The following RNF2 variants were observed in gnomAD, a reference collection of about 807,000 sequenced individuals.
The protein encoded by RNF2 is E3 ubiquitin-protein ligase RING2.
In RNF2, 6 loss-of-function variants were observed where a neutral mutation model predicts 37.2. The observed-to-expected ratio is 0.16, with a 90% CI of 0.09 to 0.32. RNF2 has a LOEUF of 0.32. Among genes scored for constraint, RNF2 ranks in the 10% least tolerant of loss-of-function variants. The pLI, the probability that RNF2 is intolerant of heterozygous loss-of-function variation, is 1.00. For synonymous variants in RNF2, 133 were observed against 132.7 expected, an observed-to-expected ratio of 1.00 and a Z score of -0.02; for missense variants, 251 against 404.0, an observed-to-expected ratio of 0.62 and a Z score of 3.25.
intron 1 of RNF2, among the ~76,000 whole-genome samples, chr1:185,060,416 T>G (rs1650563740): frequency 1.3e-5 from 2 of 152,254 alleles, no homozygotes; most frequent in Non-Finnish European, 2.9e-5. Flanking sequence ...TAGAGGTTCC[T>G]ATTATCTGAG....
rs201402005 is a variant in RNF2, at chr1:185,099,953, C to T, written c.900C>T (p.Gly300=). ...QYTIYIATAS[G]QFTVLNGSFS... is the part of the protein sequence containing the mutation. ...CCATTTATATAGCAACAGCCAGTGG[C>T]CAGTTCACTGTGAGTATTTAAAATA... Residue 300 remains glycine, a synonymous_variant, in exon 6 of 7, where the codon GGC becomes GGT. Coordinates refer to ENST00000367510, the MANE Select transcript of RNF2 (RefSeq NM_007212.4). The T allele has an allele frequency of 1.9e-6, 3 of 1,607,820 alleles. No individual in the cohort carries two copies. The highest frequency in any genetic ancestry group is 4.5e-5 in the East Asian group (2 of 44,676).
chr1:185,085,622 T>G (rs1651571128), intron 1 of RNF2, among the ~76,000 whole-genome samples: 1 of 152,120 alleles, frequency 6.6e-6, no homozygotes. Context: ...CTTGAGTTTT[T>G]GTGAACGATT....
chr1:185,055,179 GA>G (rs1170287233), intron 1 of RNF2, among the ~76,000 whole-genome samples: 1 of 152,166 alleles, frequency 6.6e-6, no homozygotes, highest in African/African-American at 2.4e-5. Flanking sequence ...CTTAGGACCA[GA>G]AGTATTTTGG....
At chr1:185,083,638 G>A (rs1651494365) in intron 1 of RNF2, among the ~76,000 whole-genome samples, 1 of 151,834 alleles carries the variant, frequency 6.6e-6, no homozygotes, top group Admixed American at 6.6e-5. Context: ...CTATTATTAG[G>A]TGTATTTTTG....
Position 185,092,995 on chromosome 1 carries a change from G to A in RNF2, c.249-66G>A. 5.9e-6 allele frequency: 8 copies of A among 1,359,626 alleles called. No homozygotes were observed. The South Asian group carries it at 5.9e-5, about 10-fold the overall frequency. 84.2% of individuals were successfully genotyped at this position (1,359,626 alleles called of 1,614,324 possible). On this transcript the variant is annotated intron_variant, in intron 3 of 6. Transcript: ENST00000367510. ...AGGTGAATAACTATCCAGAAGCTGG[G>A]TATTTTTGTCTTTAGCCCAAAGATA...
At chr1:185,054,205 C>T (rs188691071) in intron 1 of RNF2, among the ~76,000 whole-genome samples, 5 of 152,324 alleles carry the variant, frequency 3.3e-5, no homozygotes, top group East Asian at 1.9e-4. Flanking sequence ...GGGCACGCAA[C>T]GGGTTTCAAT....
chr1:185,067,108 T>TA (rs1650818772), intron 1 of RNF2, among the ~76,000 whole-genome samples: 2 of 152,206 alleles, frequency 1.3e-5, no homozygotes, highest in Non-Finnish European at 2.9e-5. Flanking sequence ...GTGGAAAAGA[T>TA]ACAATCAAAT....
At chr1:185,062,194 G>A (rs1650626846) in intron 1 of RNF2, among the ~76,000 whole-genome samples, 1 of 152,112 alleles carries the variant, frequency 6.6e-6, no homozygotes, top group Non-Finnish European at 1.5e-5. Flanking sequence ...GCAGCTGTGG[G>A]GATAGTGTTC....
intron 1 of RNF2, among the ~76,000 whole-genome samples, chr1:185,072,213 G>T (rs1429543275): frequency 1.3e-5 from 2 of 152,112 alleles, no homozygotes; most frequent in African/African-American, 4.8e-5. Context: ...AAACCAAGGT[G>T]ACTGTGAAGA....
intron 1 of RNF2, among the ~76,000 whole-genome samples, chr1:185,082,675 C>T (rs187584647): frequency 9.2e-4 from 140 of 152,178 alleles, no homozygotes; most frequent in African/African-American, 3.3e-3. Flanking sequence ...CTTTCTTGGA[C>T]CACCACTGCC....
intron 3 of RNF2, among the ~76,000 whole-genome samples, chr1:185,092,689 ATAAT>A (rs1287953585): frequency 1.3e-5 from 2 of 152,064 alleles, no homozygotes; most frequent in Non-Finnish European, 2.9e-5. Context: ...TTTCAGTAAA[ATAAT>A]TTATTACATA....
rs546730266 is a variant in RNF2 at position 185,062,246 on chromosome 1, A to G, written c.-3+16597A>G. 3.6e-4 allele frequency among the ~76,000 whole-genome samples: 55 copies of G among 152,330 alleles called. 1 individual carries two copies. The highest frequency in any genetic ancestry group is 1.3e-3 in the African/African-American group (52 of 41,574). ...ATTTTGTAACCTTATTAAGGAATTT[A>G]TACACTGTGTATACCTGAATCAGGC... On this transcript the variant is annotated intron_variant, in intron 1 of 6. Coordinates refer to ENST00000367510, the MANE Select transcript of RNF2 (RefSeq NM_007212.4).
chr1:185,069,126 T>G (rs1417526146), intron 1 of RNF2, among the ~76,000 whole-genome samples: 1 of 152,152 alleles, frequency 6.6e-6, no homozygotes, highest in Non-Finnish European at 1.5e-5. Context: ...AATGTGCTAT[T>G]TATTATGAAT....
At chr1:185,052,952 A>G (rs1306585464) in intron 1 of RNF2, among the ~76,000 whole-genome samples, 1 of 152,232 alleles carries the variant, frequency 6.6e-6, no homozygotes, top group African/African-American at 2.4e-5. Flanking sequence ...GGTACTTTAC[A>G]TCTAAAACTT....
intron 4 of RNF2, among the ~76,000 whole-genome samples, chr1:185,097,217 G>A (rs1651936875): frequency 6.6e-6 from 1 of 152,162 alleles, no homozygotes; most frequent in Admixed American, 6.5e-5. Flanking sequence ...TGCCTTGCCC[G>A]GTAATTAGCT....
At chr1:185,060,268 G>T (rs1313606999) in intron 1 of RNF2, among the ~76,000 whole-genome samples, 1 of 152,098 alleles carries the variant, frequency 6.6e-6, no homozygotes, top group African/African-American at 2.4e-5. Flanking sequence ...CCCTCACAAA[G>T]ATACAGATAA....
At chr1:185,053,811 G>C (rs916797210) in intron 1 of RNF2, among the ~76,000 whole-genome samples, 1 of 152,062 alleles carries the variant, frequency 6.6e-6, no homozygotes, top group Non-Finnish European at 1.5e-5. Context: ...AGTAGTATTA[G>C]GTCTTGTGTG....
At chr1:185,046,195 G>C (rs1293299687) in intron 1 of RNF2, 1 of 152,284 alleles carries the variant, frequency 6.6e-6, no homozygotes, top group Non-Finnish European at 1.5e-5. Context: ...GTGTAGAGGA[G>C]CTCCTCGACC....
chr1:185,092,032 C>T (rs1016152123), intron 3 of RNF2: 47 of 236,424 alleles, frequency 2.0e-4, no homozygotes, highest in Admixed American at 2.1e-4. Context: ...AACTTGTTGG[C>T]CAGGTTTCAG....
Sources: allele counts gnomAD v4.1 joint callset (sites outside exome capture counted in the v4.1 genomes callset), GRCh38; gene constraint gnomAD v4.1.1; transcripts MANE v1.5; gene names NCBI Gene and HGNC (gene_info 2026-07-23, HGNC 2026-07-21).